The following PTPRT variants were observed in gnomAD, a reference collection of about 807,000 sequenced individuals.
PTPRT encodes the protein protein tyrosine phosphatase receptor type T, also known as receptor-type tyrosine-protein phosphatase T.
PTPRT carries 56 observed loss-of-function variants against 176.8 expected under a neutral mutation model. That is an observed-to-expected ratio of 0.32 (90% CI 0.26 to 0.40). PTPRT has a LOEUF of 0.40. Among genes scored for constraint, PTPRT ranks in the 10% least tolerant of loss-of-function variants. The pLI is 1.00. For missense variants in PTPRT, 1,540 were observed against 1,908.2 expected (o/e 0.81, Z 3.60); for synonymous variants, 783 against 739.0 (o/e 1.06, Z -0.96).
intron 1 of PTPRT, among the ~76,000 whole-genome samples, chr20:42,904,671 A>G (rs1353651880): frequency 3.3e-5 from 5 of 152,252 alleles, no homozygotes; most frequent in African/African-American, 1.2e-4. Context: ...TTCTGTTTTC[A>G]TGCCCAAATG....
At chr20:42,793,559 C>G (rs967201914) in intron 2 of PTPRT, among the ~76,000 whole-genome samples, 2 of 152,172 alleles carry the variant, frequency 1.3e-5, no homozygotes, top group African/African-American at 4.8e-5. Flanking sequence ...GGAAGTGGAA[C>G]AAAGGTGCGG....
chr20:42,684,292 C>A (rs989045843), intron 6 of PTPRT, among the ~76,000 whole-genome samples: 5 of 151,928 alleles, frequency 3.3e-5, no homozygotes, highest in Non-Finnish European at 7.4e-5. Flanking sequence ...TTGCAGTGAG[C>A]CAGGATCATG....
chr20:42,877,123 A>G lies in PTPRT; in HGVS notation c.214+8684T>C, dbSNP rs531340141. Among the ~76,000 whole-genome samples the G allele has an allele frequency of 1.8e-4, 28 of 152,034 alleles. No individual in the cohort carries two copies. In the South Asian group the frequency reaches 4.4e-3, roughly 24 times the overall value. ...TATTGAGAAGCTCATAATGAACAGA[A>G]AGCTGAAGGATCAGGCCTGAAAAAT... On this transcript the variant is annotated intron_variant, in intron 2 of 30. Coordinates refer to ENST00000373187, the MANE Select transcript of PTPRT (RefSeq NM_007050.6).
At position 42,756,604 on chromosome 20, in the gene PTPRT, G is replaced by T; in HGVS notation, c.717C>A (p.Val239=). ...QWNGRDTALM[V]TRVVNHRRFS... ...AGCGCCTGTGGTTGACCACACGGGT[G>T]ACCATCAGGGCCGTGTCCCTGCCAT... The change falls in exon 6 of 31, where the codon GTC becomes GTA. Residue 239 remains valine (V), a synonymous_variant. Transcript: ENST00000373187. 1 of 1,606,478 alleles carries T rather than the reference G, an allele frequency of 6.2e-7. No individual in the cohort carries two copies. The highest frequency in any genetic ancestry group is 1.1e-5 in the South Asian group (1 of 90,202).
intron 5 of PTPRT, among the ~76,000 whole-genome samples, chr20:42,756,941 C>G (rs1483419124): frequency 6.6e-6 from 1 of 151,488 alleles, no homozygotes; most frequent in African/African-American, 2.4e-5. Context: ...GTCCCAGATA[C>G]TCTGGAGGGT....
intron 7 of PTPRT, among the ~76,000 whole-genome samples, chr20:42,525,579 A>G (rs1387836034): frequency 6.6e-6 from 1 of 152,192 alleles, no homozygotes; most frequent in Non-Finnish European, 1.5e-5. Flanking sequence ...TCCTCTCCCA[A>G]CATATACGTA....
At chr20:42,246,480 T>G (rs1363552654) in intron 14 of PTPRT, among the ~76,000 whole-genome samples, 1 of 152,182 alleles carries the variant, frequency 6.6e-6, no homozygotes, top group African/African-American at 2.4e-5. Context: ...GCCTGTTGAT[T>G]GGGTCTGATG....
At chr20:42,780,336 C>A (rs2077196981) in intron 3 of PTPRT, 37 bp from the exon 4 acceptor site, 2 of 1,521,898 alleles carry the variant, frequency 1.3e-6, no homozygotes, top group Non-Finnish European at 1.8e-6. Context: ...TTCACAGAAA[C>A]AGTTGCAGGC....
intron 1 of PTPRT, among the ~76,000 whole-genome samples, chr20:43,083,336 A>ATG (rs1568773957): frequency 6.0e-4 from 63 of 105,028 alleles, no homozygotes; most frequent in South Asian, 2.5e-3. Flanking sequence ...ATATATATAT[A>ATG]TATATATATA....
intron 2 of PTPRT, among the ~76,000 whole-genome samples, chr20:42,851,692 A>G (rs1481242654): frequency 2.0e-5 from 3 of 152,238 alleles, no homozygotes; most frequent in Non-Finnish European, 2.9e-5. Flanking sequence ...CTTTGCAACC[A>G]TATCGTCTCT....
At chr20:42,591,875 T>C (rs922590988) in intron 7 of PTPRT, among the ~76,000 whole-genome samples, 2 of 151,906 alleles carry the variant, frequency 1.3e-5, no homozygotes, top group Admixed American at 6.6e-5. Flanking sequence ...GAATAATGTA[T>C]ATAAGAGACC....
At chr20:42,310,514 G>A (rs780789754) in intron 12 of PTPRT, among the ~76,000 whole-genome samples, 1 of 152,044 alleles carries the variant, frequency 6.6e-6, no homozygotes, top group Non-Finnish European at 1.5e-5. Context: ...TGGGAAAAAA[G>A]CTTTAACAAT....
chr20:42,746,494 C>T (rs1172080391), intron 6 of PTPRT, among the ~76,000 whole-genome samples: 2 of 151,974 alleles, frequency 1.3e-5, no homozygotes, highest in Admixed American at 6.6e-5. Context: ...CTAGGGGAGC[C>T]GGCATTATTA....
chr20:42,141,804 A>C, intron 18 of PTPRT, 111 bp downstream of exon 18: 3 of 1,030,858 alleles, frequency 2.9e-6, no homozygotes, highest in Non-Finnish European at 4.5e-6. Flanking sequence ...ATACAAAGCT[A>C]GAGACAGCAA....
At chr20:42,717,264 A>G (rs1306015313) in intron 6 of PTPRT, among the ~76,000 whole-genome samples, 3 of 147,048 alleles carry the variant, frequency 2.0e-5, no homozygotes, top group Non-Finnish European at 3.0e-5. Context: ...TCATAAAGCT[A>G]TAACAATTAA....
chr20:42,161,679 A>AGTGTATCTCCAATCCTT, intron 16 of PTPRT, 137 bp from the exon 17 acceptor site: 5 of 789,534 alleles, frequency 6.3e-6, no homozygotes, highest in Non-Finnish European at 9.9e-6. Flanking sequence ...CTGCAAAAGG[A>AGTGTATCTCCAATCCTT]TTGGAGATAC....
intron 18 of PTPRT, among the ~76,000 whole-genome samples, chr20:42,138,318 C>T (rs963213427): frequency 6.6e-6 from 1 of 152,224 alleles, no homozygotes; most frequent in Non-Finnish European, 1.5e-5. Flanking sequence ...GTACTTACTC[C>T]TCCAGCACCC....
chr20:42,687,515 A>G (rs2075718297), intron 6 of PTPRT: 1 of 152,210 alleles, frequency 6.6e-6, no homozygotes, highest in African/African-American at 2.4e-5. Context: ...GAGCAGAGTA[A>G]ACATTCTAGA....
chr20:42,246,955 A>G (rs2056462160), intron 14 of PTPRT, among the ~76,000 whole-genome samples: 1 of 152,202 alleles, frequency 6.6e-6, no homozygotes, highest in African/African-American at 2.4e-5. Flanking sequence ...AGAGAAATCA[A>G]AAGTCATATA....
Sources: gnomAD v4.1 joint callset for allele counts (sites outside exome capture counted in the v4.1 genomes callset) on GRCh38, gnomAD v4.1.1 for gene constraint, MANE v1.5 for transcripts, NCBI Gene and HGNC (gene_info 2026-07-23, HGNC 2026-07-21) for gene names.